NAV3: variants seen among roughly 807,000 people sequenced by gnomAD.
NAV3 encodes pore membrane and/or filament interacting like protein 1.
In NAV3, 87 loss-of-function variants were observed where a neutral mutation model predicts 244.7. The observed-to-expected ratio is 0.36, with a 90% CI of 0.30 to 0.42. The LOEUF is 0.42. NAV3 is among the 20% of genes least tolerant of loss of function. The pLI is 1.00. For missense variants in NAV3, 2,663 were observed against 2,893.3 expected, an observed-to-expected ratio of 0.92 and a Z score of 1.83; for synonymous variants, 1,126 against 1,042.2, an observed-to-expected ratio of 1.08 and a Z score of -1.55.
intron 3 of NAV3, among the ~76,000 whole-genome samples, chr12:77,956,732 ATTTATTTAT>A (rs1891397216): frequency 1.5e-4 from 1 of 6,532 alleles, no homozygotes; most frequent in Non-Finnish European, 4.4e-4. Flanking sequence ...CAACTTATTT[ATTTATTTAT>A]TTATTTATTT....
chr12:78,112,667 A>T (rs574335873), intron 12 of NAV3, among the ~76,000 whole-genome samples: 1 of 152,232 alleles, frequency 6.6e-6, no homozygotes, highest in South Asian at 2.1e-4. Context: ...CCCACAACAC[A>T]TGGGGCTTAT....
chr12:78,134,974 G>C (rs541439047), intron 18 of NAV3, among the ~76,000 whole-genome samples: 1 of 152,116 alleles, frequency 6.6e-6, no homozygotes, highest in South Asian at 2.1e-4. Flanking sequence ...GGAAATTCTT[G>C]TGTGTCTCTT....
intron 9 of NAV3, among the ~76,000 whole-genome samples, chr12:78,047,272 G>A (rs1383590690): frequency 2.0e-5 from 3 of 152,092 alleles, no homozygotes; most frequent in Non-Finnish European, 4.4e-5. Flanking sequence ...CGGATCATGA[G>A]GTCAGGAGAT....
chr12:77,955,896 A>G (rs1290496001), intron 3 of NAV3, among the ~76,000 whole-genome samples: 1 of 151,964 alleles, frequency 6.6e-6, no homozygotes, highest in African/African-American at 2.4e-5. Context: ...AAGAAAGAAA[A>G]AAGAAATAGA....
chr12:78,064,332 T>G (rs536271006), intron 12 of NAV3, among the ~76,000 whole-genome samples: 3 of 151,772 alleles, frequency 2.0e-5, no homozygotes, highest in Admixed American at 1.3e-4. Context: ...TTCCAGAGAG[T>G]GGGTTTCATG....
rs148006038 is a variant in NAV3, at chr12:78,067,004, A to G, written c.2636+7889A>G. Among the ~76,000 whole-genome samples the G allele has an allele frequency of 3.6e-3, 553 of 152,248 alleles. 3 individuals are homozygous for G. The highest frequency in any genetic ancestry group is 0.013 in the African/African-American group (532 of 41,562). On this transcript the variant is annotated intron_variant, in intron 12 of 39. Coordinates refer to ENST00000397909, the MANE Select transcript of NAV3 (RefSeq NM_001024383.2). ...GCACCATGCCAGTTCTCATGAAATC[A>G]TGGGGGCATCAGTTATAAGGGTGGG...
At chr12:77,732,930 G>T (rs572749667) in intron 2 of NAV3, among the ~76,000 whole-genome samples, 22 of 152,130 alleles carry the variant, frequency 1.4e-4, no homozygotes, top group African/African-American at 5.3e-4. Flanking sequence ...GTGGGGAATT[G>T]GTGGAGGAAG....
intron 2 of NAV3, among the ~76,000 whole-genome samples, chr12:77,709,883 A>C (rs1876022434): frequency 2.0e-5 from 3 of 152,176 alleles, no homozygotes; most frequent in Admixed American, 1.3e-4. Context: ...CTTTTAAGCT[A>C]TCTCTGTGCA....
intron 2 of NAV3, among the ~76,000 whole-genome samples, chr12:77,747,922 T>C (rs1250729021): frequency 6.6e-6 from 1 of 152,106 alleles, no homozygotes; most frequent in Admixed American, 6.6e-5. Flanking sequence ...TTAGGAGATA[T>C]ACCTAATGTT....
chr12:77,644,416 A>C lies in NAV3; in HGVS notation c.72+72150A>C, dbSNP rs910325939. 2.0e-5 allele frequency among the ~76,000 whole-genome samples: 3 copies of C among 152,174 alleles called. No homozygotes were observed. In the East Asian group the frequency reaches 5.8e-4, roughly 29 times the overall value. On this transcript the variant is annotated intron_variant, in intron 2 of 8. Coordinates refer to the NAV3 transcript ENST00000550042. ...AAGTTTTACATTATTCTTGGTAAAA[A>C]TCATATCCAGAGGAGGAGCAAACAG... is the stretch of plus-strand genomic sequence containing the variant.
At chr12:78,179,415 A>C in intron 28 of NAV3, 114 bp from the exon 29 acceptor site, 1 of 1,240,120 alleles carries the variant, frequency 8.1e-7, no homozygotes, top group Non-Finnish European at 1.1e-6. Context: ...TGCCAGCAGC[A>C]CACCATATCT....
At chr12:77,870,768 A>C (rs1880830916) in intron 1 of NAV3, among the ~76,000 whole-genome samples, 2 of 152,318 alleles carry the variant, frequency 1.3e-5, no homozygotes, top group East Asian at 3.9e-4. Flanking sequence ...GATCATATAA[A>C]CTGAGAAAGG....
chr12:77,679,690 C>T (rs941917666), intron 2 of NAV3, among the ~76,000 whole-genome samples: 1 of 152,114 alleles, frequency 6.6e-6, no homozygotes, highest in African/African-American at 2.4e-5. Flanking sequence ...AGAGAATGAA[C>T]TCTGAGAAAA....
chr12:77,576,960 C>A (rs1844770), intron 2 of NAV3, among the ~76,000 whole-genome samples: 35,800 of 151,918 alleles, frequency 0.24, 4,662 homozygotes, highest in East Asian at 0.45. Flanking sequence ...ATCAGCCAAT[C>A]CTGAAGCACG....
chr12:77,577,720 A>G (rs866229061), intron 2 of NAV3, among the ~76,000 whole-genome samples: 2 of 152,164 alleles, frequency 1.3e-5, no homozygotes, highest in South Asian at 2.1e-4. Flanking sequence ...TGTAATTATA[A>G]TGATACTAAT....
chr12:78,010,077 T>C (rs1005602087), intron 8 of NAV3, among the ~76,000 whole-genome samples: 1 of 152,110 alleles, frequency 6.6e-6, no homozygotes, highest in Non-Finnish European at 1.5e-5. Context: ...TAAAACTGTC[T>C]CATAAAATTT....
chr12:77,973,290 G>A (rs1373218916), intron 5 of NAV3, among the ~76,000 whole-genome samples: 3 of 152,136 alleles, frequency 2.0e-5, no homozygotes, highest in Non-Finnish European at 4.4e-5. Context: ...AAAATTGAAT[G>A]TGAAAGTAGA....
intron 2 of NAV3, among the ~76,000 whole-genome samples, chr12:77,709,975 A>G (rs1221075638): frequency 1.3e-5 from 2 of 152,204 alleles, no homozygotes; most frequent in Non-Finnish European, 2.9e-5. Flanking sequence ...ATGGAATCAT[A>G]AACTCTTCTA....
At chr12:77,664,728 A>G (rs934359515) in intron 2 of NAV3, among the ~76,000 whole-genome samples, 1 of 152,174 alleles carries the variant, frequency 6.6e-6, no homozygotes, top group Non-Finnish European at 1.5e-5. Context: ...TGATTTATTT[A>G]TATTTGTTCA....
Sources: gnomAD v4.1 joint callset for allele counts (sites outside exome capture counted in the v4.1 genomes callset) on GRCh38, gnomAD v4.1.1 for gene constraint, MANE v1.5 for transcripts, NCBI Gene and HGNC (gene_info 2026-07-23, HGNC 2026-07-21) for gene names.